MST1R: variants seen among roughly 807,000 people sequenced by gnomAD.
MST1R encodes the protein macrophage stimulating 1 receptor, also known as macrophage-stimulating protein receptor.
A neutral mutation model predicts 117.8 loss-of-function variants in MST1R; 99 were observed. That is an observed-to-expected ratio of 0.84 (90% confidence interval 0.71 to 0.99). The LOEUF is 0.99. Ranked by LOEUF, MST1R falls within the 50% of genes least tolerant of loss-of-function variation. MST1R has a pLI of 0.00. For synonymous variants in MST1R, 734 were observed against 765.3 expected (o/e 0.96, Z 0.68); for missense variants, 1,683 against 1,840.2 (o/e 0.91, Z 1.56).
In MST1R at chr3:49,903,345, G is replaced by A. The variant is rs1273800589; in HGVS notation, c.265C>T (p.Gln89Ter). The change falls in exon 1 of 20, where the codon CAG becomes TAG. Residue 89 changes from glutamine (Q) to a stop codon, truncating the protein, a stop_gained. Coordinates refer to ENST00000296474, the MANE Select transcript of MST1R (RefSeq NM_002447.4). LOFTEE classifies it high-confidence loss of function. ...CCAGCAGGGCCCGTGGCCAGGCTCT[G>A]GACAGACTTCAGGTCAGGCCCAAGC... Reference protein sequence around the residue: ...HVLGPDLKSVQSLATGPAGDP... With the variant: ...HVLGPDLKSV 1 of 1,613,586 alleles carries A rather than the reference G, an allele frequency of 6.2e-7. No individual in the cohort carries two copies. The highest frequency in any genetic ancestry group is 1.3e-5 in the African/African-American group (1 of 74,954).
At position 49,902,839 on chromosome 3, in the gene MST1R, G is replaced by GGCTC. The variant is rs1247651982; in HGVS notation, c.767_770dup (p.Phe258SerfsTer16). ...GCTGTACAGTCAGGAAGTATACGAA[G>GGCTC]GCTCCCGTGTGGAAGCTGTGCACGT... On this transcript the variant is annotated frameshift_variant, in exon 1 of 20. Coordinates refer to ENST00000296474, the MANE Select transcript of MST1R (RefSeq NM_002447.4). LOFTEE classifies it high-confidence loss of function. 5.0e-6 allele frequency: 8 copies of GGCTC among 1,613,594 alleles called. No individual in the cohort carries two copies. In the South Asian group the frequency reaches 5.5e-5, roughly 11 times the overall value.
At chr3:49,899,362 C>A in intron 1 of MST1R, 99 bp from the exon 2 acceptor site, 1 of 1,297,374 alleles carries the variant, frequency 7.7e-7, no homozygotes, top group South Asian at 1.3e-5. Context: ...CACTCTCACC[C>A]CTCACCTGGC....
Position 49,896,029 on chromosome 3 carries a change from G to A in MST1R, c.2728C>T (p.Arg910Trp), listed in dbSNP as rs368644133. The part of the protein sequence containing the change: ...VGGESCQHEF[R>W]GDMVVCPLPP... The stretch of plus-strand genomic sequence containing the variant: ...AGGGGGCAGACAACCATGTCCCCCC[G>A]GAACTCGTGCTGGCAGCTCTCACCA... Residue 910 changes from arginine to tryptophan, a missense_variant, in exon 11 of 20, where the codon CGG (arginine) becomes TGG (tryptophan). By Grantham distance (101) the Arg-to-Trp change is moderately radical (BLOSUM62 -3). Coordinates refer to ENST00000296474, the MANE Select transcript of MST1R (RefSeq NM_002447.4). The A allele has an allele frequency of 1.6e-5, 25 of 1,606,018 alleles. No individual in the cohort carries two copies. The highest frequency in any genetic ancestry group is 3.4e-5 in the Admixed American group (2 of 59,554).
Position 49,897,258 on chromosome 3 carries a change from A to G in MST1R, c.2183+22T>C. The G allele has an allele frequency of 1.9e-6, 3 of 1,585,842 alleles. No homozygotes were observed. The South Asian group carries it at 3.4e-5, about 18-fold the overall frequency. On this transcript the variant is annotated intron_variant, in intron 7 of 19. Coordinates refer to ENST00000296474, the MANE Select transcript of MST1R (RefSeq NM_002447.4). ...CCTGGATAGAACCCTGCGGCCTCCC[A>G]TGCCTGCCTGGTGGTACTTACCGTG...
chr3:49,903,595 C>A lies in MST1R; in HGVS notation c.15G>T (p.Pro5=), dbSNP rs1425961067. The A allele has an allele frequency of 6.4e-7, 1 of 1,564,022 alleles. No homozygotes were observed. The highest frequency in any genetic ancestry group is 8.6e-7 in the Non-Finnish European group (1 of 1,161,114). The change falls in exon 1 of 20, where the codon CCG becomes CCT. Residue 5 remains proline, a synonymous_variant. Transcript: ENST00000296474. ...GCAACAGGAAGGACTGAGGCAGCGG[C>A]GGGAGGAGCTCCATCGAGGCGAGCT... The part of the protein sequence containing the change: MELL[P]PLPQSFLLLL...
Position 49,896,072 on chromosome 3 carries a change from A to G in MST1R, c.2685T>C (p.Gly895=), listed in dbSNP as rs745620944. The part of the protein sequence containing the change: ...IGLGAVADCV[G]INVTVGGESC... ...TCTCACCACCCACGGTCACGTTGAT[A>G]CCCACACAGTCAGCCACAGCGCCCA... is the stretch of plus-strand genomic sequence containing the variant. Residue 895 remains glycine (G), a synonymous_variant, in exon 11 of 20, where the codon GGT becomes GGC. Coordinates refer to ENST00000296474, the MANE Select transcript of MST1R (RefSeq NM_002447.4). The G allele has an allele frequency of 1.9e-6, 3 of 1,611,836 alleles. No individual in the cohort carries two copies. Among genetic ancestry groups the G allele is most frequent in the Non-Finnish European group, 2.5e-6 (3 of 1,178,640 alleles).
intron 17 of MST1R, among the ~76,000 whole-genome samples, 173 bp downstream of exon 17, chr3:49,891,024 C>T (rs919929426): frequency 2.0e-5 from 3 of 152,228 alleles, no homozygotes; most frequent in African/African-American, 7.2e-5. Flanking sequence ...CCGCGCCTGG[C>T]CAAATTTCAA....
Position 49,896,857 on chromosome 3 carries a change from G to C in MST1R, c.2217C>G (p.Pro739=), listed in dbSNP as rs1228573918. 3 of 1,544,196 alleles carry C rather than the reference G, an allele frequency of 1.9e-6. No homozygotes were observed. The highest frequency in any genetic ancestry group is 2.4e-5 in the South Asian group (2 of 82,732). The change falls in exon 8 of 20, where the codon CCC becomes CCG. Residue 739 remains proline, a synonymous_variant. Transcript: ENST00000296474. ...VSEGQLLCAT[P]PGATVASVPL... is the part of the protein sequence containing the mutation. ...GGACACTGGCCACCGTGGCCCCAGGGGGTGTGGCACATAAAAGCTGCCCCT... is the reference window on the plus strand; with the variant it reads ...GGACACTGGCCACCGTGGCCCCAGGCGGTGTGGCACATAAAAGCTGCCCCT...
chr3:49,898,311 C>T (rs184853950), intron 4 of MST1R, 100 bp from the exon 5 acceptor site: 56 of 1,511,122 alleles, frequency 3.7e-5, no homozygotes, highest in East Asian at 3.6e-4. Context: ...GCCTTCCCCA[C>T]GCTCCAGCCA....
chr3:49,895,158 C>T lies in MST1R; in HGVS notation c.3271+9G>A, dbSNP rs2108429026. 1.9e-6 allele frequency: 3 copies of T among 1,613,614 alleles called. No individual in the cohort carries two copies. The highest frequency in any genetic ancestry group is 2.2e-5 in the East Asian group (1 of 44,886). ...CCATCTCTGCCCCAGCCCCACCTGGCCCCCACACCTTTGCCAATGACTCGG... is the reference window on the plus strand; with the variant it reads ...CCATCTCTGCCCCAGCCCCACCTGGTCCCCACACCTTTGCCAATGACTCGG... On this transcript the variant is annotated intron_variant, in intron 14 of 19. Coordinates refer to ENST00000296474, the MANE Select transcript of MST1R (RefSeq NM_002447.4).
chr3:49,887,217 T>TG lies in MST1R; in HGVS notation c.*89dup. 1 of 1,535,746 alleles carries TG rather than the reference T, an allele frequency of 6.5e-7. No homozygotes were observed. Among genetic ancestry groups the TG allele is most frequent in the Non-Finnish European group, 8.8e-7 (1 of 1,130,332 alleles). ...TGAAAGTTAAAGGGCAGGAACAAGG[T>TG]GGAGGGCCACTGCCCTCTGGCCTGG... On this transcript the variant is annotated 3_prime_UTR_variant, in exon 20 of 20. Transcript: ENST00000296474.
rs771601768 is a variant in MST1R, at chr3:49,903,525, A to C, written c.85T>G (p.Cys29Gly). ...GAGGCCGCGTAGGGGGTGCGCGGGC[A>C]CTGCCAGTCCTCGCCCGCCGCGGGC... is the stretch of plus-strand genomic sequence containing the variant. The part of the protein sequence containing the change: ...AKPAAGEDWQ[C>G]PRTPYAASRD... Residue 29 changes from cysteine (C) to glycine (G), a missense_variant, in exon 1 of 20, where the codon TGC becomes GGC. Physicochemically the swap from Cys to Gly is radical, Grantham distance 159. Coordinates refer to ENST00000296474, the MANE Select transcript of MST1R (RefSeq NM_002447.4). 12 of 1,606,434 alleles carry C rather than the reference A, an allele frequency of 7.5e-6. No homozygotes were observed. Among genetic ancestry groups the C allele is most frequent in the Non-Finnish European group, 1.0e-5 (12 of 1,179,350 alleles).
intron 17 of MST1R, 32 bp downstream of exon 17, chr3:49,891,165 T>C: frequency 6.2e-7 from 1 of 1,600,084 alleles, no homozygotes; most frequent in Non-Finnish European, 8.6e-7. Flanking sequence ...GCCCTGTCCT[T>C]TTGCTTCACC....
In MST1R at chr3:49,902,975, C is replaced by A; in HGVS notation, c.635G>T (p.Ser212Ile). The A allele has an allele frequency of 3.1e-6, 5 of 1,613,186 alleles. No individual in the cohort carries two copies. The highest frequency in any genetic ancestry group is 4.2e-6 in the Non-Finnish European group (5 of 1,180,002). Residue 212 changes from serine (S) to isoleucine (I), a missense_variant, in exon 1 of 20, where the codon AGC (serine) becomes ATC (isoleucine). Transcript: ENST00000296474. ...SLDAAVAASF[S>I]PRSVSIRRLK... Reference sequence around the variant, plus strand: ...ACGCCTGATAGACACTGAGCGTGGGCTGAAGCTGGCAGCCACGGCTGCGTC... The same window carrying A: ...ACGCCTGATAGACACTGAGCGTGGGATGAAGCTGGCAGCCACGGCTGCGTC...
chr3:49,891,670 G>A lies in MST1R; in HGVS notation c.3352+88C>T. The A allele has an allele frequency of 8.1e-6, 13 of 1,608,072 alleles. No individual in the cohort carries two copies. In the South Asian group the frequency reaches 1.4e-4, roughly 18 times the overall value. On this transcript the variant is annotated intron_variant, in intron 15 of 19. Coordinates refer to ENST00000296474, the MANE Select transcript of MST1R (RefSeq NM_002447.4). ...GGGAAATGAAGGTCTCCTGCTCAGGGTCACTCAGTAAGGTGGGAACACAGA... is the reference window on the plus strand; with the variant it reads ...GGGAAATGAAGGTCTCCTGCTCAGGATCACTCAGTAAGGTGGGAACACAGA...
At position 49,887,120 on chromosome 3, in the gene MST1R, G is replaced by A; in HGVS notation, c.*187C>T. On this transcript the variant is annotated 3_prime_UTR_variant, in exon 20 of 20. Transcript: ENST00000296474. ...CACAGCAGGCACTCCATAAATACAT[G>A]TTGCAGGACTGCCCTCACTGGCTCA... 1 of 742,236 alleles carries A rather than the reference G, an allele frequency of 1.3e-6. No homozygotes were observed. Among genetic ancestry groups the A allele is most frequent in the Non-Finnish European group, 2.2e-6 (1 of 457,226 alleles). 46.0% of individuals were successfully genotyped at this position (742,236 alleles called of 1,614,324 possible).
chr3:49,899,175 T>C lies in MST1R; in HGVS notation c.1319A>G (p.Asn440Ser), dbSNP rs2230592. 6,866 of 1,614,104 alleles carry C rather than the reference T, an allele frequency of 4.3e-3. 271 individuals are homozygous for C. In the African/African-American group the frequency reaches 0.08, roughly 19 times the overall value. ...GACCTGTACTGGTCCCAACAGCCCA[T>C]TGAATAGGTCCACACGTGAGAAGCT... The part of the protein sequence containing the change: ...SSSFSRVDLF[N>S]GLLGPVQVTA... Residue 440 changes from asparagine (N) to serine (S), a missense_variant, in exon 2 of 20, where the codon AAT (asparagine) becomes AGT (serine). Coordinates refer to ENST00000296474, the MANE Select transcript of MST1R (RefSeq NM_002447.4).
At position 49,902,605 on chromosome 3, in the gene MST1R, A is replaced by C; in HGVS notation, c.1005T>G (p.Thr335=). 6.2e-7 allele frequency: 1 copy of C among 1,613,612 alleles called. No individual in the cohort carries two copies. Among genetic ancestry groups the C allele is most frequent in the South Asian group, 1.1e-5 (1 of 91,090 alleles). Residue 335 remains threonine (T), a synonymous_variant, in exon 1 of 20, where the codon ACT becomes ACG. Coordinates refer to ENST00000296474, the MANE Select transcript of MST1R (RefSeq NM_002447.4). ...CCTGGCCCTCGGCGATGCTCAGCTCAGTGGCAAGTTGGGCACCCACTGGAG... is the reference window on the plus strand; with the variant it reads ...CCTGGCCCTCGGCGATGCTCAGCTCCGTGGCAAGTTGGGCACCCACTGGAG... ...HSAPVGAQLA[T]ELSIAEGQEV... is the part of the protein sequence containing the mutation.
chr3:49,902,456 C>T lies in MST1R; in HGVS notation c.1154G>A (p.Cys385Tyr), dbSNP rs1559483756. The change falls in exon 1 of 20, where the codon TGT becomes TAT. Residue 385 changes from cysteine to tyrosine, a missense_variant. Transcript: ENST00000296474. ...DTLIDEGVER[C>Y]CESPVHPGLR... ...GCCTGGATGGACTGGGGATTCACAA[C>T]AGCGCTCCACACCCTCATCAATTAG... 3 of 1,614,182 alleles carry T rather than the reference C, an allele frequency of 1.9e-6. No homozygotes were observed. Among genetic ancestry groups the T allele is most frequent in the Non-Finnish European group, 8.5e-7 (1 of 1,180,050 alleles).
Sources: allele counts gnomAD v4.1 joint callset (sites outside exome capture counted in the v4.1 genomes callset), GRCh38; gene constraint gnomAD v4.1.1; transcripts MANE v1.5; gene names NCBI Gene and HGNC (gene_info 2026-07-23, HGNC 2026-07-21).